The following GPR149 variants were observed in gnomAD, a reference collection of about 807,000 sequenced individuals.
GPR149 encodes G protein-coupled receptor 149.
A neutral mutation model predicts 50.2 loss-of-function variants in GPR149; 50 were observed. That is an observed-to-expected ratio of 1.00 (90% confidence interval 0.79 to 1.26). The LOEUF (loss-of-function observed/expected upper bound fraction) is 1.26, where lower values mean the gene tolerates loss of function less well. GPR149 is among the 50% of genes most tolerant of loss of function. The pLI, the probability that GPR149 is intolerant of heterozygous loss-of-function variation, is 0.00. For missense variants in GPR149, 983 were observed against 895.4 expected (o/e 1.10, Z -1.25); for synonymous variants, 405 against 358.2 (o/e 1.13, Z -1.48).
intron 3 of GPR149, among the ~76,000 whole-genome samples, chr3:154,400,825 T>C (rs534821134): frequency 2.9e-4 from 44 of 152,306 alleles, no homozygotes; most frequent in African/African-American, 1.1e-3. Flanking sequence ...GTGCTCTACC[T>C]GCAACATTTC....
At chr3:154,360,220 T>C (rs551795803) in intron 3 of GPR149, among the ~76,000 whole-genome samples, 4 of 152,332 alleles carry the variant, frequency 2.6e-5, no homozygotes, top group African/African-American at 9.6e-5. Flanking sequence ...AAACCCATCT[T>C]ACAAACAGTT....
intron 3 of GPR149, among the ~76,000 whole-genome samples, chr3:154,391,720 A>C (rs1309881770): frequency 1.3e-5 from 2 of 151,834 alleles, no homozygotes; most frequent in East Asian, 3.8e-4. Context: ...AAACTTCTTA[A>C]GTTTGACAAC....
At chr3:154,417,596 C>A (rs116092399) in intron 3 of GPR149, among the ~76,000 whole-genome samples, 4 of 152,054 alleles carry the variant, frequency 2.6e-5, no homozygotes, top group East Asian at 1.9e-4. Flanking sequence ...ATAAATTGAG[C>A]CTAAGTGTTT....
intron 3 of GPR149, chr3:154,353,876 T>C (rs1714150744): frequency 5.1e-6 from 3 of 582,610 alleles, no homozygotes; most frequent in Middle Eastern, 4.8e-4. Context: ...CCTTTGATGT[T>C]TCAGAAGCTT....
At position 154,337,891 on chromosome 3, in the gene GPR149, T is replaced by C. The variant is rs1713692390; in HGVS notation, c.2004A>G (p.Glu668=). 1.2e-6 allele frequency: 2 copies of C among 1,613,392 alleles called. No homozygotes were observed. The highest frequency in any genetic ancestry group is 1.7e-6 in the Non-Finnish European group (2 of 1,179,698). The change falls in exon 4 of 4, where the codon GAA becomes GAG. Residue 668 remains glutamate (E), a synonymous_variant. Coordinates refer to ENST00000389740, the MANE Select transcript of GPR149 (RefSeq NM_001038705.3). ...GCAAAAAGAGGGAGTATGAGGCTGT[T>C]TCCCCTAGGTCACATGAAACAAATC... The part of the protein sequence containing the change: ...ENRFVSCDLG[E]TASYSLFLPT...
intron 3 of GPR149, among the ~76,000 whole-genome samples, chr3:154,407,691 T>TAC (rs1225672801): frequency 7.8e-5 from 1 of 12,784 alleles, no homozygotes; most frequent in African/African-American, 4.4e-4. Context: ...ATGTCATGTG[T>TAC]ATACACACAC....
chr3:154,351,224 C>A (rs1271822524), intron 3 of GPR149, among the ~76,000 whole-genome samples: 1 of 143,416 alleles, frequency 7.0e-6, no homozygotes. Context: ...ATATACCCAA[C>A]TGACTTTTTA....
chr3:154,398,399 G>C (rs962270153), intron 3 of GPR149, among the ~76,000 whole-genome samples: 1 of 152,122 alleles, frequency 6.6e-6, no homozygotes, highest in African/African-American at 2.4e-5. Context: ...GGAGAAGAAA[G>C]TTGCTTTTAG....
At chr3:154,411,224 A>G (rs1302537986) in intron 3 of GPR149, among the ~76,000 whole-genome samples, 2 of 152,150 alleles carry the variant, frequency 1.3e-5, no homozygotes, top group Non-Finnish European at 2.9e-5. Flanking sequence ...AGTATTAAAT[A>G]CCTACATCAA....
Position 154,421,274 on chromosome 3 carries a change from T to G in GPR149, c.1388A>C (p.Asp463Ala). 2 of 1,613,448 alleles carry G rather than the reference T, an allele frequency of 1.2e-6. No homozygotes were observed. Among genetic ancestry groups the G allele is most frequent in the Non-Finnish European group, 1.7e-6 (2 of 1,179,528 alleles). ...GTTGATGCCTCTTTGTGTGGAGCTG[T>G]CCAGAGAGGGCGTGGTGCTGATTTC... is the stretch of plus-strand genomic sequence containing the variant. ...KVEISTTPSL[D>A]SSTQRGINKC... The change falls in exon 3 of 4, where the codon GAC becomes GCC. Residue 463 changes from aspartate (D) to alanine (A), a missense_variant. Physicochemically the swap from Asp to Ala is moderately radical, Grantham distance 126. Transcript: ENST00000389740.
At chr3:154,347,113 T>C (rs1000223670) in intron 3 of GPR149, among the ~76,000 whole-genome samples, 4 of 152,104 alleles carry the variant, frequency 2.6e-5, no homozygotes, top group Non-Finnish European at 5.9e-5. Context: ...TATAATTGAG[T>C]CATAGGGAGG....
At chr3:154,375,871 C>T (rs1714782673) in intron 3 of GPR149, among the ~76,000 whole-genome samples, 1 of 152,146 alleles carries the variant, frequency 6.6e-6, no homozygotes, top group Admixed American at 6.6e-5. Flanking sequence ...ATAGAAAACA[C>T]AAATTTGCTC....
chr3:154,338,031 G>C lies in GPR149; in HGVS notation c.1864C>G (p.Leu622Val). 1 of 1,614,152 alleles carries C rather than the reference G, an allele frequency of 6.2e-7. No individual in the cohort carries two copies. The highest frequency in any genetic ancestry group is 2.2e-5 in the East Asian group (1 of 44,884). Residue 622 changes from leucine (L) to valine (V), a missense_variant, in exon 4 of 4, where the codon CTT becomes GTT. Physicochemically the swap from Leu to Val is conservative, Grantham distance 32. Transcript: ENST00000389740. ...DTSVKIHLEV[L>V]EICDNEEALD... ...GCCTCTTCATTATCACAAATTTCAAGAACCTCCAAGTGTATTTTCACACTG... is the reference window on the plus strand; with the variant it reads ...GCCTCTTCATTATCACAAATTTCAACAACCTCCAAGTGTATTTTCACACTG...
intron 3 of GPR149, chr3:154,353,410 G>T: frequency 9.0e-7 from 1 of 1,109,978 alleles, no homozygotes. Flanking sequence ...TAGGATTTGT[G>T]AATCACATCT....
chr3:154,346,035 T>A (rs1226414030), intron 3 of GPR149, among the ~76,000 whole-genome samples: 1 of 152,164 alleles, frequency 6.6e-6, no homozygotes, highest in Non-Finnish European at 1.5e-5. Context: ...TAGCTAAGAG[T>A]CAGTTGTTGG....
intron 3 of GPR149, among the ~76,000 whole-genome samples, chr3:154,419,458 G>A (rs948705746): frequency 2.0e-5 from 3 of 151,934 alleles, no homozygotes; most frequent in African/African-American, 7.2e-5. Flanking sequence ...AGAAAATTGA[G>A]CTTAGTCATG....
At chr3:154,371,992 C>T (rs547824679) in intron 3 of GPR149, among the ~76,000 whole-genome samples, 1 of 135,620 alleles carries the variant, frequency 7.4e-6, no homozygotes, top group African/African-American at 2.7e-5. Context: ...CCTGGATCGA[C>T]ATACTGGTCT....
Position 154,335,269 on chromosome 3 carries a change from A to C in GPR149, c.*2430T>G, listed in dbSNP as rs148320387. The C allele has an allele frequency of 2.0e-4, 31 of 152,340 alleles. No individual in the cohort carries two copies. Among genetic ancestry groups the C allele is most frequent in the Admixed American group, 3.3e-4 (5 of 15,298 alleles). 9.4% of individuals were successfully genotyped at this position (152,340 alleles called of 1,614,324 possible). ...AAGGTATTTGGCTATATCACAAGAT[A>C]TCTAGAAAGGTATTTCCTCTACTAG... is the stretch of plus-strand genomic sequence containing the variant. On this transcript the variant is annotated 3_prime_UTR_variant, in exon 4 of 4. Transcript: ENST00000389740.
chr3:154,404,017 G>A (rs940493860), intron 3 of GPR149, among the ~76,000 whole-genome samples: 2 of 152,196 alleles, frequency 1.3e-5, no homozygotes, highest in African/African-American at 4.8e-5. Flanking sequence ...AGTGGTTAAT[G>A]TATTGGACAG....
Sources: allele counts gnomAD v4.1 joint callset (sites outside exome capture counted in the v4.1 genomes callset), GRCh38; gene constraint gnomAD v4.1.1; transcripts MANE v1.5; gene names NCBI Gene and HGNC (gene_info 2026-07-23, HGNC 2026-07-21).